The following ATRNL1 variants were observed in gnomAD, a reference collection of about 807,000 sequenced individuals.
ATRNL1 encodes attractin like 1.
In ATRNL1, 95 loss-of-function variants were observed where a neutral mutation model predicts 182.7. The observed-to-expected ratio is 0.52, with a 90% CI of 0.44 to 0.62. ATRNL1 has a LOEUF of 0.62. Ranked by LOEUF, ATRNL1 falls within the 20% of genes least tolerant of loss-of-function variation. ATRNL1 has a pLI of 0.00. For synonymous variants in ATRNL1, 576 were observed against 568.3 expected (o/e 1.01, Z -0.19); for missense variants, 1,471 against 1,679.5 (o/e 0.88, Z 2.17).
chr10:115,252,393 A>G (rs1242070165), intron 10 of ATRNL1, among the ~76,000 whole-genome samples: 3 of 152,058 alleles, frequency 2.0e-5, no homozygotes, highest in Non-Finnish European at 4.4e-5. Context: ...ATGTACCTAG[A>G]TGAGTTATGT....
chr10:115,568,738 A>G (rs34421131), intron 26 of ATRNL1, among the ~76,000 whole-genome samples: 24,826 of 151,948 alleles, frequency 0.16, 2,548 homozygotes, highest in South Asian at 0.24. Context: ...TAAAATAAGT[A>G]ATATATTAAC....
At chr10:115,461,185 T>C (rs1240517283) in intron 21 of ATRNL1, among the ~76,000 whole-genome samples, 1 of 152,116 alleles carries the variant, frequency 6.6e-6, no homozygotes, top group Non-Finnish European at 1.5e-5. Flanking sequence ...AAGTAATCTA[T>C]ATTTATTTAA....
intron 26 of ATRNL1, among the ~76,000 whole-genome samples, chr10:115,573,567 T>A (rs1854533321): frequency 6.6e-6 from 1 of 151,810 alleles, no homozygotes; most frequent in Non-Finnish European, 1.5e-5. Flanking sequence ...GAGGGTGGGG[T>A]CTTTGCCGGG....
intron 25 of ATRNL1, among the ~76,000 whole-genome samples, chr10:115,534,115 T>C (rs1851795475): frequency 6.6e-6 from 1 of 152,148 alleles, no homozygotes; most frequent in Non-Finnish European, 1.5e-5. Context: ...AGATGTCTAT[T>C]AGGTCTGCTT....
chr10:115,858,324 G>A (rs1951233462), intron 28 of ATRNL1, among the ~76,000 whole-genome samples: 1 of 152,092 alleles, frequency 6.6e-6, no homozygotes, highest in Non-Finnish European at 1.5e-5. Flanking sequence ...AAGAAAATGT[G>A]GTGGTATATA....
At chr10:115,484,859 A>C (rs1284192901) in intron 24 of ATRNL1, among the ~76,000 whole-genome samples, 1 of 151,970 alleles carries the variant, frequency 6.6e-6, no homozygotes, top group Non-Finnish European at 1.5e-5. Context: ...GGGGAGACTA[A>C]GAAGAAATGT....
intron 27 of ATRNL1, among the ~76,000 whole-genome samples, chr10:115,730,782 T>C (rs1441540547): frequency 1.3e-5 from 2 of 152,098 alleles, no homozygotes; most frequent in African/African-American, 4.8e-5. Flanking sequence ...TAATAGGAGA[T>C]ATATAGTTGT....
intron 3 of ATRNL1, among the ~76,000 whole-genome samples, chr10:115,124,435 ATG>A (rs1844874785): frequency 6.6e-6 from 1 of 152,148 alleles, no homozygotes; most frequent in Admixed American, 6.5e-5. Flanking sequence ...GGTCCTCAGA[ATG>A]TGTTACCCAC....
intron 13 of ATRNL1, among the ~76,000 whole-genome samples, chr10:115,280,444 G>T (rs1236800653): frequency 3.9e-5 from 6 of 152,206 alleles, no homozygotes; most frequent in Non-Finnish European, 7.4e-5. Context: ...AAGGAAAGAA[G>T]TCTTGATCTG....
At chr10:115,418,326 G>C (rs1161121734) in intron 20 of ATRNL1, among the ~76,000 whole-genome samples, 2 of 152,120 alleles carry the variant, frequency 1.3e-5, no homozygotes, top group African/African-American at 4.8e-5. Context: ...ATGGAATAGA[G>C]AGCATCATCA....
At chr10:115,495,213 C>T (rs1849485112) in intron 24 of ATRNL1, among the ~76,000 whole-genome samples, 1 of 151,862 alleles carries the variant, frequency 6.6e-6, no homozygotes, top group Admixed American at 6.6e-5. Context: ...TTATTTGGAT[C>T]TTTTTTCTTT....
intron 26 of ATRNL1, among the ~76,000 whole-genome samples, chr10:115,613,836 T>C (rs1335323699): frequency 6.6e-6 from 1 of 152,022 alleles, no homozygotes; most frequent in Non-Finnish European, 1.5e-5. Flanking sequence ...TAAATGGTCT[T>C]TTTGCATTTC....
At chr10:115,544,325 T>C (rs1252694622) in intron 25 of ATRNL1, among the ~76,000 whole-genome samples, 2 of 152,142 alleles carry the variant, frequency 1.3e-5, no homozygotes, top group African/African-American at 2.4e-5. Flanking sequence ...GAAGGTGTAG[T>C]AGGCTGTTCT....
At chr10:115,796,768 C>T (rs1593228477) in intron 27 of ATRNL1, among the ~76,000 whole-genome samples, 1 of 152,124 alleles carries the variant, frequency 6.6e-6, no homozygotes, top group African/African-American at 2.4e-5. Context: ...AAAAATGTAA[C>T]AAAATGAAGC....
intron 28 of ATRNL1, among the ~76,000 whole-genome samples, chr10:115,866,993 C>G (rs1951453734): frequency 1.3e-5 from 2 of 152,132 alleles, no homozygotes; most frequent in Non-Finnish European, 2.9e-5. Context: ...CTTGCTCAGA[C>G]TAATTGGTCC....
chr10:115,182,212 A>G (rs1259244790), intron 8 of ATRNL1, among the ~76,000 whole-genome samples: 1 of 151,564 alleles, frequency 6.6e-6, no homozygotes, highest in African/African-American at 2.4e-5. Context: ...TTATGATGTG[A>G]TAAAGCAACT....
intron 10 of ATRNL1, among the ~76,000 whole-genome samples, chr10:115,259,976 T>A (rs1484559633): frequency 2.6e-5 from 4 of 152,322 alleles, no homozygotes; most frequent in African/African-American, 9.6e-5. Context: ...AAAAGTATTG[T>A]ATGTAATTCT....
At chr10:115,157,235 A>G (rs1349314925) in intron 5 of ATRNL1, among the ~76,000 whole-genome samples, 1 of 152,098 alleles carries the variant, frequency 6.6e-6, no homozygotes, top group Non-Finnish European at 1.5e-5. Context: ...TCAGAAAAAA[A>G]ATTTTAAAAA....
chr10:115,125,207 G>A (rs1452988758), intron 3 of ATRNL1, among the ~76,000 whole-genome samples: 2 of 152,140 alleles, frequency 1.3e-5, no homozygotes, highest in Middle Eastern at 3.2e-3. Context: ...CCAATGTACA[G>A]GAGTTCTTTA....
Sources: gnomAD v4.1 joint callset for allele counts (sites outside exome capture counted in the v4.1 genomes callset) on GRCh38, gnomAD v4.1.1 for gene constraint, MANE v1.5 for transcripts, NCBI Gene and HGNC (gene_info 2026-07-23, HGNC 2026-07-21) for gene names.